The following KCTD8 variants were observed in gnomAD, a reference collection of about 807,000 sequenced individuals.
KCTD8 encodes the protein potassium channel tetramerization domain containing 8.
KCTD8 carries 27 observed loss-of-function variants against 31.5 expected under a neutral mutation model. The observed-to-expected ratio is 0.86, with a 90% CI of 0.63 to 1.18. KCTD8 has a LOEUF of 1.18. Among genes scored for constraint, KCTD8 ranks in the 50% most tolerant of loss-of-function variants. The pLI is 0.00. For missense variants in KCTD8, 658 were observed against 647.7 expected (o/e 1.02, Z -0.17); for synonymous variants, 290 against 280.0 (o/e 1.04, Z -0.36).
intron 1 of KCTD8, among the ~76,000 whole-genome samples, chr4:44,198,473 CACAAG>C (rs1714015300): frequency 6.6e-6 from 1 of 152,088 alleles, no homozygotes; most frequent in South Asian, 2.1e-4. Context: ...GCAGAAACCT[CACAAG>C]TCAGAAGAAA....
intron 1 of KCTD8, among the ~76,000 whole-genome samples, chr4:44,194,250 T>C (rs1190849316): frequency 6.6e-6 from 1 of 152,190 alleles, no homozygotes. Flanking sequence ...TGCCTTGAAC[T>C]TTTCCTGTCA....
intron 1 of KCTD8, among the ~76,000 whole-genome samples, chr4:44,392,787 G>T (rs1720405194): frequency 6.6e-6 from 1 of 151,950 alleles, no homozygotes; most frequent in African/African-American, 2.4e-5. Context: ...TACACGCAGA[G>T]AACAGTCTAG....
intron 1 of KCTD8, among the ~76,000 whole-genome samples, chr4:44,375,780 G>A (rs889545536): frequency 6.6e-6 from 1 of 152,146 alleles, no homozygotes; most frequent in African/African-American, 2.4e-5. Flanking sequence ...TGTCAGTCAT[G>A]ACAACAATAG....
At chr4:44,445,534 AG>A (rs1042405016) in intron 1 of KCTD8, among the ~76,000 whole-genome samples, 11 of 152,196 alleles carry the variant, frequency 7.2e-5, no homozygotes, top group Non-Finnish European at 1.5e-4. Context: ...TTATCCCATT[AG>A]CTAAATTAAC....
At chr4:44,221,319 A>T (rs1210699785) in intron 1 of KCTD8, among the ~76,000 whole-genome samples, 1 of 150,718 alleles carries the variant, frequency 6.6e-6, no homozygotes, top group Non-Finnish European at 1.5e-5. Flanking sequence ...TTTCTGCTGC[A>T]GGGTCCATCA....
intron 1 of KCTD8, among the ~76,000 whole-genome samples, chr4:44,315,553 T>C (rs1315146516): frequency 6.6e-6 from 1 of 152,134 alleles, no homozygotes; most frequent in East Asian, 1.9e-4. Flanking sequence ...TTACTCTATT[T>C]TTGTATTCTA....
At chr4:44,333,781 GAA>G (rs968458908) in intron 1 of KCTD8, among the ~76,000 whole-genome samples, 4 of 152,034 alleles carry the variant, frequency 2.6e-5, no homozygotes, top group African/African-American at 2.4e-5. Flanking sequence ...TCCTTGGAAA[GAA>G]AAGTTTTAAA....
At chr4:44,227,472 A>G (rs142582132) in intron 1 of KCTD8, among the ~76,000 whole-genome samples, 378 of 152,280 alleles carry the variant, frequency 2.5e-3, no homozygotes, top group Non-Finnish European at 3.8e-3. Flanking sequence ...GGGACATCTT[A>G]TCTTTCTTTT....
chr4:44,244,153 G>A (rs1338983039), intron 1 of KCTD8, among the ~76,000 whole-genome samples: 3 of 152,200 alleles, frequency 2.0e-5, no homozygotes, highest in Admixed American at 2.0e-4. Context: ...CTATTCCGAG[G>A]AGACATTAAC....
In KCTD8 at chr4:44,321,960, C is replaced by G. The variant is rs145187565; in HGVS notation, c.961+125603G>C. Among the ~76,000 whole-genome samples, 35 of 152,096 alleles carry G rather than the reference C, an allele frequency of 2.3e-4. 2 individuals carry two copies. Among genetic ancestry groups the G allele is most frequent in the African/African-American group, 8.0e-4 (33 of 41,398 alleles). On this transcript the variant is annotated intron_variant, in intron 1 of 1. Coordinates refer to ENST00000360029, the MANE Select transcript of KCTD8 (RefSeq NM_198353.3). ...TTCTTTCTATGGCTGAATAATATTT[C>G]ATTGTGCATATATACAACATTTTCT...
chr4:44,435,827 C>T (rs1258458262), intron 1 of KCTD8, among the ~76,000 whole-genome samples: 1 of 152,034 alleles, frequency 6.6e-6, no homozygotes, highest in Non-Finnish European at 1.5e-5. Flanking sequence ...TTCCTGATCC[C>T]ATTGAGATGG....
At chr4:44,284,357 C>T (rs1441886540) in intron 1 of KCTD8, among the ~76,000 whole-genome samples, 1 of 152,110 alleles carries the variant, frequency 6.6e-6, no homozygotes, top group Non-Finnish European at 1.5e-5. Context: ...ACCCAACACA[C>T]ACAAGCAATG....
intron 1 of KCTD8, among the ~76,000 whole-genome samples, chr4:44,371,567 C>A (rs539239650): frequency 6.6e-6 from 1 of 152,206 alleles, no homozygotes; most frequent in South Asian, 2.1e-4. Context: ...ATATTGAAAG[C>A]ATTGGAGGCT....
Position 44,448,166 on chromosome 4 carries a change from G to A in KCTD8, c.358C>T (p.Leu120=), listed in dbSNP as rs200405668. Reference sequence around the variant, plus strand: ...TCCTTCTCGGGGAAGTGCTCCGGCAGCGCGAGTTGCTTGTCCCGCAGATAA... The same window carrying A: ...TCCTTCTCGGGGAAGTGCTCCGGCAACGCGAGTTGCTTGTCCCGCAGATAA... ...LDYLRDKQLA[L]PEHFPEKERL... The change falls in exon 1 of 2, where the codon CTG becomes TTG. Residue 120 remains leucine (L), a synonymous_variant. Coordinates refer to ENST00000360029, the MANE Select transcript of KCTD8 (RefSeq NM_198353.3). The surrounding 1 kb of genome is among the most constrained non-coding windows in gnomAD (Gnocchi z 4.1). 1.5e-4 allele frequency: 247 copies of A among 1,612,528 alleles called. 1 individual carries two copies. In the East Asian group the frequency reaches 4.6e-3, roughly 30 times the overall value.
intron 1 of KCTD8, among the ~76,000 whole-genome samples, chr4:44,302,787 G>T (rs928034390): frequency 7.2e-5 from 11 of 151,842 alleles, no homozygotes; most frequent in Non-Finnish European, 1.5e-5. Context: ...GGGCATCCCT[G>T]TCTTGTGCCA....
chr4:44,401,980 T>A (rs1160724045), intron 1 of KCTD8, among the ~76,000 whole-genome samples: 1 of 152,222 alleles, frequency 6.6e-6, no homozygotes, highest in Non-Finnish European at 1.5e-5. Flanking sequence ...TGATGAAGTA[T>A]AAGTTAATCC....
At chr4:44,307,879 A>G (rs1717847782) in intron 1 of KCTD8, among the ~76,000 whole-genome samples, 1 of 152,006 alleles carries the variant, frequency 6.6e-6, no homozygotes, top group African/African-American at 2.4e-5. Flanking sequence ...CATAAAACAA[A>G]TATAGTGTAC....
At chr4:44,261,944 G>A (rs970311674) in intron 1 of KCTD8, among the ~76,000 whole-genome samples, 1 of 152,120 alleles carries the variant, frequency 6.6e-6, no homozygotes, top group African/African-American at 2.4e-5. Context: ...TAAAATAAGA[G>A]AGGAGAGGCC....
chr4:44,343,727 T>C (rs2109419932), intron 1 of KCTD8, among the ~76,000 whole-genome samples: 1 of 152,380 alleles, frequency 6.6e-6, no homozygotes, highest in East Asian at 1.9e-4. Context: ...GTTTATATTA[T>C]ATACTAACAA....
Sources: allele counts gnomAD v4.1 joint callset (sites outside exome capture counted in the v4.1 genomes callset), GRCh38; gene constraint gnomAD v4.1.1; non-coding constraint Gnocchi (gnomAD v3.1); transcripts MANE v1.5; gene names NCBI Gene and HGNC (gene_info 2026-07-23, HGNC 2026-07-21).